LPIN1: variants seen among roughly 807,000 people sequenced by gnomAD.
LPIN1 encodes phosphatidate phosphatase LPIN1.
In LPIN1, 71 loss-of-function variants were observed where a neutral mutation model predicts 107.5. The observed-to-expected ratio is 0.66, with a 90% confidence interval of 0.55 to 0.80. The LOEUF (loss-of-function observed/expected upper bound fraction) is 0.80, where lower values mean the gene tolerates loss of function less well. Ranked by LOEUF, LPIN1 falls within the 30% of genes least tolerant of loss-of-function variation. The pLI is 0.00. For missense variants in LPIN1, 1,043 were observed against 1,160.6 expected (o/e 0.90, Z 1.47); for synonymous variants, 445 against 452.6 (o/e 0.98, Z 0.21).
chr2:11,754,761 G>C (rs530803611), intron 1 of LPIN1, among the ~76,000 whole-genome samples: 1 of 152,288 alleles, frequency 6.6e-6, no homozygotes, highest in South Asian at 2.1e-4. Flanking sequence ...TTAATACCCT[G>C]CTCCCACACA....
At chr2:11,776,309 A>G (rs1238710651) in intron 6 of LPIN1, 116 bp downstream of exon 6, 1 of 559,524 alleles carries the variant, frequency 1.8e-6, no homozygotes, top group Admixed American at 3.4e-5. Flanking sequence ...ATACCTGTAG[A>G]TTATATGAAG....
intron 1 of LPIN1, among the ~76,000 whole-genome samples, chr2:11,761,008 C>A (rs1669738810): frequency 6.6e-6 from 1 of 152,174 alleles, no homozygotes; most frequent in Non-Finnish European, 1.5e-5. Flanking sequence ...ATCCAGAGAG[C>A]CCCTCTTCAC....
intron 14 of LPIN1, among the ~76,000 whole-genome samples, chr2:11,795,915 G>A (rs886513990): frequency 2.0e-5 from 3 of 152,036 alleles, no homozygotes; most frequent in Non-Finnish European, 2.9e-5. Context: ...CAGGACTTAC[G>A]TTGATACTTT....
intron 17 of LPIN1, among the ~76,000 whole-genome samples, chr2:11,814,338 A>G (rs1275891305): frequency 6.6e-6 from 1 of 152,190 alleles, no homozygotes; most frequent in Non-Finnish European, 1.5e-5. Flanking sequence ...GTGCAGGGAC[A>G]GCAAGGAAGG....
At chr2:11,772,625 C>G (rs1259026520) in intron 4 of LPIN1, among the ~76,000 whole-genome samples, 1 of 152,100 alleles carries the variant, frequency 6.6e-6, no homozygotes, top group African/African-American at 2.4e-5. Flanking sequence ...GACTTAGGTC[C>G]AAAGTTTAAT....
intron 14 of LPIN1, among the ~76,000 whole-genome samples, chr2:11,800,453 G>A (rs1230700362): frequency 6.6e-6 from 1 of 152,098 alleles, no homozygotes; most frequent in African/African-American, 2.4e-5. Flanking sequence ...TGTCACCCAG[G>A]CTGGAGTGCA....
chr2:11,786,197 G>A lies in LPIN1; in HGVS notation c.1550-877G>A, dbSNP rs947988114. Among the ~76,000 whole-genome samples, 1 of 152,148 alleles carries A rather than the reference G, an allele frequency of 6.6e-6. No homozygotes were observed. The highest frequency in any genetic ancestry group is 1.5e-5 in the Non-Finnish European group (1 of 68,022). On this transcript the variant is annotated intron_variant, in intron 10 of 20. Coordinates refer to ENST00000674199, the MANE Select transcript of LPIN1 (RefSeq NM_001349206.2). The surrounding 1 kb of genome is among the most constrained non-coding windows in gnomAD (Gnocchi z 4.1). ...GTCAGGAGACCCCAGGAGAGTCCCC[G>A]GAGGTCCTGATTAGGGCTCTGAGGG...
intron 3 of LPIN1, among the ~76,000 whole-genome samples, chr2:11,770,963 C>T (rs925235919): frequency 6.6e-6 from 1 of 150,422 alleles, no homozygotes; most frequent in African/African-American, 2.5e-5. Context: ...TCTCTCACAC[C>T]CACCCATGCA....
At chr2:11,741,831 A>C (rs1034653549), upstream of LPIN1, among the ~76,000 whole-genome samples, 5 of 149,664 alleles carry the variant, frequency 3.3e-5, no homozygotes, top group African/African-American at 7.3e-5. Flanking sequence ...CAAACCAAAC[A>C]AAACAAAAAT....
intron 1 of LPIN1, among the ~76,000 whole-genome samples, chr2:11,733,486 T>C (rs1208912718): frequency 6.7e-6 from 1 of 149,630 alleles, no homozygotes; most frequent in Non-Finnish European, 1.5e-5. Context: ...GTTTTCTTTC[T>C]CTCTCTCTCT....
chr2:11,792,513 G>T (rs534374839), intron 13 of LPIN1, among the ~76,000 whole-genome samples: 198 of 152,052 alleles, frequency 1.3e-3, no homozygotes, highest in African/African-American at 4.7e-3. Flanking sequence ...CTCTAGAATA[G>T]CTGGGATTAC....
At chr2:11,796,517 G>C (rs185614449) in intron 14 of LPIN1, among the ~76,000 whole-genome samples, 1 of 152,094 alleles carries the variant, frequency 6.6e-6, no homozygotes, top group African/African-American at 2.4e-5. Context: ...ACGAGTGTGC[G>C]GGACCTGGTA....
At chr2:11,704,597 A>G (rs377273219) in intron 1 of LPIN1, among the ~76,000 whole-genome samples, 2 of 152,290 alleles carry the variant, frequency 1.3e-5, no homozygotes, top group East Asian at 3.9e-4. Context: ...TGAAGTCTGG[A>G]ATCAAAGATT....
At chr2:11,705,003 C>T (rs1663055614) in intron 1 of LPIN1, among the ~76,000 whole-genome samples, 1 of 152,172 alleles carries the variant, frequency 6.6e-6, no homozygotes, top group East Asian at 1.9e-4. Context: ...TGGGAACTTC[C>T]ACTGGTTACC....
chr2:11,721,493 A>T (rs1439054317), upstream of LPIN1: 2 of 152,272 alleles, frequency 1.3e-5, no homozygotes, highest in Non-Finnish European at 2.9e-5. Flanking sequence ...AGAACTAACC[A>T]GAACCCAGGT....
At chr2:11,701,895 T>G (rs1028076298) in intron 1 of LPIN1, among the ~76,000 whole-genome samples, 2 of 152,228 alleles carry the variant, frequency 1.3e-5, no homozygotes, top group Admixed American at 6.5e-5. Flanking sequence ...GGTCCGTGCT[T>G]GTGCTAAAAC....
At chr2:11,819,366 C>T in intron 18 of LPIN1, 118 bp from the exon 19 acceptor site, 1 of 751,826 alleles carries the variant, frequency 1.3e-6, no homozygotes, top group Non-Finnish European at 2.4e-6. Flanking sequence ...CTGACACACA[C>T]TAAACTTTTG....
chr2:11,804,622 G>C, intron 16 of LPIN1, 51 bp downstream of exon 16: 1 of 1,533,796 alleles, frequency 6.5e-7, no homozygotes, highest in Non-Finnish European at 8.7e-7. Flanking sequence ...CTTCACCGTG[G>C]GGGTCTCTGG....
chr2:11,776,037 A>G lies in LPIN1; in HGVS notation c.723-49A>G, dbSNP rs1434234624. The G allele has an allele frequency of 8.4e-6, 8 of 946,828 alleles. No homozygotes were observed. In the South Asian group the frequency reaches 1.2e-4, roughly 15 times the overall value. 58.7% of individuals were successfully genotyped at this position (946,828 alleles called of 1,614,324 possible). On this transcript the variant is annotated intron_variant, in intron 5 of 20. Coordinates refer to ENST00000674199, the MANE Select transcript of LPIN1 (RefSeq NM_001349206.2). ...TATATAATCTCACTTGATGTAATTGACCTCTGATTTTGTCTTTCTTTTAAT... is the reference window on the plus strand; with the variant it reads ...TATATAATCTCACTTGATGTAATTGGCCTCTGATTTTGTCTTTCTTTTAAT...
Sources: gnomAD v4.1 joint callset for allele counts (sites outside exome capture counted in the v4.1 genomes callset) on GRCh38, gnomAD v4.1.1 for gene constraint, Gnocchi (gnomAD v3.1) non-coding constraint, MANE v1.5 for transcripts, NCBI Gene and HGNC (gene_info 2026-07-23, HGNC 2026-07-21) for gene names.